Variants in LRMDA observed in about 807,000 individuals in gnomAD.
LRMDA encodes leucine rich melanocyte differentiation associated, also known as leucine-rich melanocyte differentiation-associated protein.
LRMDA carries 18 observed loss-of-function variants against 29.8 expected under a neutral mutation model. The observed-to-expected ratio is 0.60, with a 90% confidence interval of 0.42 to 0.90. The LOEUF (loss-of-function observed/expected upper bound fraction) is 0.90, where lower values mean the gene tolerates loss of function less well. Ranked by LOEUF, LRMDA falls within the 40% of genes least tolerant of loss-of-function variation. The pLI is 0.00. For synonymous variants in LRMDA, 125 were observed against 109.4 expected (o/e 1.14, Z -0.89); for missense variants, 273 against 273.9 (o/e 1.00, Z 0.02).
chr10:75,883,988 G>A (rs1191359077), intron 2 of LRMDA, among the ~76,000 whole-genome samples: 3 of 151,780 alleles, frequency 2.0e-5, no homozygotes, highest in Non-Finnish European at 4.4e-5. Flanking sequence ...TAAATCGGAG[G>A]CATAAGGAGG....
At chr10:75,568,456 T>G (rs1315258313) in intron 2 of LRMDA, among the ~76,000 whole-genome samples, 1 of 152,224 alleles carries the variant, frequency 6.6e-6, no homozygotes, top group Non-Finnish European at 1.5e-5. Context: ...AATTAAATGT[T>G]AGGAGAAATT....
chr10:76,178,584 T>C lies in LRMDA; in HGVS notation c.516+119801T>C, dbSNP rs147438033. ...TGGTGGTAGGGAAACAGGGATCCTC[T>C]GAACTCAGTTGGGGTGAGGAATAGG... On this transcript the variant is annotated intron_variant, in intron 5 of 6. Coordinates refer to ENST00000611255, the MANE Select transcript of LRMDA (RefSeq NM_001305581.2). 1.6e-3 allele frequency among the ~76,000 whole-genome samples: 248 copies of C among 152,296 alleles called. 1 individual carries two copies. The highest frequency in any genetic ancestry group is 2.9e-3 in the Admixed American group (45 of 15,294).
At chr10:75,606,152 C>G (rs1840953808) in intron 2 of LRMDA, among the ~76,000 whole-genome samples, 1 of 152,042 alleles carries the variant, frequency 6.6e-6, no homozygotes, top group South Asian at 2.1e-4. Flanking sequence ...GCCACTGCGC[C>G]TGGCCAACCC....
chr10:75,757,241 C>T (rs1215265893), intron 2 of LRMDA, among the ~76,000 whole-genome samples: 1 of 152,204 alleles, frequency 6.6e-6, no homozygotes. Context: ...CTTCCCCATT[C>T]CCAGGGGCCT....
chr10:75,594,580 A>G (rs924576159), intron 2 of LRMDA, among the ~76,000 whole-genome samples: 9 of 152,006 alleles, frequency 5.9e-5, no homozygotes, highest in Non-Finnish European at 1.2e-4. Context: ...TTCTGAGCAA[A>G]CTCTCAATGG....
chr10:75,766,690 A>G (rs963620657), intron 2 of LRMDA, among the ~76,000 whole-genome samples: 9 of 152,052 alleles, frequency 5.9e-5, no homozygotes, highest in African/African-American at 2.2e-4. Context: ...GGTTTGTTAC[A>G]TAGGCACACA....
At chr10:75,489,010 C>T (rs1459047755) in intron 2 of LRMDA, among the ~76,000 whole-genome samples, 1 of 152,158 alleles carries the variant, frequency 6.6e-6, no homozygotes, top group Non-Finnish European at 1.5e-5. Context: ...ATGAGTCCCT[C>T]TATGACCTTG....
intron 5 of LRMDA, among the ~76,000 whole-genome samples, chr10:76,309,741 A>C (rs1174409183): frequency 6.6e-6 from 1 of 152,116 alleles, no homozygotes; most frequent in Non-Finnish European, 1.5e-5. Context: ...TCCTGTACAA[A>C]ACTTGTTTGC....
At chr10:75,687,780 G>C (rs1303007138) in intron 2 of LRMDA, among the ~76,000 whole-genome samples, 1 of 152,182 alleles carries the variant, frequency 6.6e-6, no homozygotes, top group South Asian at 2.1e-4. Context: ...CAGAGGACAG[G>C]CTGATTCTCT....
intron 2 of LRMDA, among the ~76,000 whole-genome samples, chr10:75,963,257 A>G (rs944231175): frequency 3.3e-5 from 5 of 152,196 alleles, no homozygotes; most frequent in African/African-American, 1.2e-4. Context: ...TGAGCCACAC[A>G]CTGGCCAATC....
At chr10:76,058,461 T>C (rs1305735650) in intron 4 of LRMDA, among the ~76,000 whole-genome samples, 1 of 152,220 alleles carries the variant, frequency 6.6e-6, no homozygotes, top group African/African-American at 2.4e-5. Flanking sequence ...TTCTAATGTT[T>C]AGTTGTGCAT....
intron 2 of LRMDA, among the ~76,000 whole-genome samples, chr10:75,568,049 A>G (rs1330501447): frequency 6.6e-6 from 1 of 152,176 alleles, no homozygotes; most frequent in African/African-American, 2.4e-5. Context: ...TGGGCCATAC[A>G]TTTTAATTAG....
intron 6 of LRMDA, among the ~76,000 whole-genome samples, chr10:76,361,212 G>A (rs185802946): frequency 6.6e-6 from 1 of 151,740 alleles, no homozygotes; most frequent in Admixed American, 6.6e-5. Context: ...AGTGAGTCGA[G>A]ATTGCACCAT....
intron 2 of LRMDA, among the ~76,000 whole-genome samples, chr10:75,547,878 C>T (rs1309520291): frequency 6.6e-6 from 1 of 152,096 alleles, no homozygotes; most frequent in East Asian, 1.9e-4. Context: ...TCCTTTGGAC[C>T]TTTTCTTGAA....
At chr10:76,220,186 C>G (rs1057324618) in intron 5 of LRMDA, among the ~76,000 whole-genome samples, 13 of 151,904 alleles carry the variant, frequency 8.6e-5, no homozygotes, top group Non-Finnish European at 1.3e-4. Context: ...AAATTGACAC[C>G]CTAACATCAC....
In LRMDA at chr10:75,576,256, G is replaced by T. The variant is rs541578180; in HGVS notation, c.131+137762G>T. ...ACAGTGTAAACAAAGCCACCAGGAA[G>T]TTCGAACTGGGCAAAGCCCACCACA... On this transcript the variant is annotated intron_variant, in intron 2 of 6. Coordinates refer to ENST00000611255, the MANE Select transcript of LRMDA (RefSeq NM_001305581.2). 7.9e-5 allele frequency among the ~76,000 whole-genome samples: 12 copies of T among 152,322 alleles called. No homozygotes were observed. The East Asian group carries it at 1.9e-3, about 24-fold the overall frequency.
intron 5 of LRMDA, among the ~76,000 whole-genome samples, chr10:76,226,275 C>T (rs1851956360): frequency 6.6e-6 from 1 of 152,160 alleles, no homozygotes; most frequent in African/African-American, 2.4e-5. Flanking sequence ...AGGAACTTGC[C>T]TAACACCTAT....
intron 6 of LRMDA, among the ~76,000 whole-genome samples, chr10:76,506,044 T>C (rs1344988328): frequency 6.6e-6 from 1 of 152,158 alleles, no homozygotes; most frequent in African/African-American, 2.4e-5. Context: ...GTCCCTGACA[T>C]TTGACAAATC....
At chr10:75,585,736 T>C (rs1840648024) in intron 2 of LRMDA, among the ~76,000 whole-genome samples, 1 of 152,224 alleles carries the variant, frequency 6.6e-6, no homozygotes, top group Non-Finnish European at 1.5e-5. Flanking sequence ...AATACATTAT[T>C]GTTGATTGTA....
Sources: gnomAD v4.1 joint callset for allele counts (sites outside exome capture counted in the v4.1 genomes callset) on GRCh38, gnomAD v4.1.1 for gene constraint, MANE v1.5 for transcripts, NCBI Gene and HGNC (gene_info 2026-07-23, HGNC 2026-07-21) for gene names.